UCHL5: variants seen among roughly 807,000 people sequenced by gnomAD.
UCHL5 encodes ubiquitin carboxyl-terminal hydrolase isozyme L5.
In UCHL5, 34 loss-of-function variants were observed where a neutral mutation model predicts 53.8. The ratio of observed to expected loss-of-function variants is 0.63; its 90% CI spans 0.48 to 0.84. The LOEUF is 0.84. Among genes scored for constraint, UCHL5 ranks in the 40% least tolerant of loss-of-function variants. The pLI, the probability that UCHL5 is intolerant of heterozygous loss-of-function variation, is 0.00. For synonymous variants in UCHL5, 111 were observed against 126.3 expected (o/e 0.88, Z 0.81); for missense variants, 290 against 385.6 (o/e 0.75, Z 2.08).
intron 7 of UCHL5, among the ~76,000 whole-genome samples, chr1:193,025,006 GA>G (rs1242319790): frequency 1.3e-5 from 2 of 152,012 alleles, no homozygotes; most frequent in Admixed American, 6.6e-5. Flanking sequence ...CTGAAAGGTA[GA>G]AAAAAAGCAG....
chr1:193,024,028 T>C (rs371150012), intron 7 of UCHL5, 82 bp from the exon 8 acceptor site: 1 of 983,066 alleles, frequency 1.0e-6, no homozygotes, highest in South Asian at 1.7e-5. Context: ...GTGATTCCCC[T>C]CTTGATTTTC....
chr1:193,044,548 C>A (rs1423769819), intron 3 of UCHL5, among the ~76,000 whole-genome samples: 1 of 152,164 alleles, frequency 6.6e-6, no homozygotes, highest in Non-Finnish European at 1.5e-5. Flanking sequence ...TACACAGACA[C>A]ACACACACAC....
Position 193,016,381 on chromosome 1 carries a change from CTGTT to C in UCHL5, c.953_956del (p.Lys318ArgfsTer40). ...TGGTTTCCTGAGCTTTCTTTGCGTT[CTGTT>C]TTTCTTTTGCCTAAAAATTAAAAAT... On this transcript the variant is annotated frameshift_variant, in exon 11 of 11. Transcript: ENST00000367454. LOFTEE classifies it high-confidence loss of function. The C allele has an allele frequency of 6.2e-7, 1 of 1,606,340 alleles. No homozygotes were observed. The highest frequency in any genetic ancestry group is 8.5e-7 in the Non-Finnish European group (1 of 1,177,416).
At chr1:193,043,169 A>AAAAAAAAAAAAAAAC (rs1558122949) in intron 3 of UCHL5, among the ~76,000 whole-genome samples, 1 of 147,712 alleles carries the variant, frequency 6.8e-6, no homozygotes, top group African/African-American at 2.5e-5. Context: ...AAAAAAAAAA[A>AAAAAAAAAAAAAAAC]AAAAAAACCA....
In UCHL5 at chr1:193,029,660, A is replaced by G; in HGVS notation, c.247-3T>C. 6.3e-7 allele frequency: 1 copy of G among 1,583,254 alleles called. No individual in the cohort carries two copies. On this transcript the variant is annotated splice_polypyrimidine_tract_variant and splice_region_variant and intron_variant, in intron 3 of 10. Transcript: ENST00000367454. ...GTAGCACAAGCATTATTAATTACCTATAAAATATAAAAGTGAAGATATCAA... is the reference window on the plus strand; with the variant it reads ...GTAGCACAAGCATTATTAATTACCTGTAAAATATAAAAGTGAAGATATCAA...
At chr1:193,020,644 C>G (rs1250931549) in intron 10 of UCHL5, among the ~76,000 whole-genome samples, 1 of 151,718 alleles carries the variant, frequency 6.6e-6, no homozygotes, top group Non-Finnish European at 1.5e-5. Flanking sequence ...CTAGTTTTCC[C>G]TCAGTGGAAT....
chr1:193,027,418 C>T (rs1463269429), intron 7 of UCHL5, among the ~76,000 whole-genome samples: 1 of 152,204 alleles, frequency 6.6e-6, no homozygotes, highest in Non-Finnish European at 1.5e-5. Flanking sequence ...GGTGCAGTGG[C>T]TCATGCCTGT....
intron 3 of UCHL5, 127 bp from the exon 4 acceptor site, chr1:193,029,784 G>A: frequency 2.7e-6 from 2 of 736,272 alleles, no homozygotes; most frequent in Non-Finnish European, 4.1e-6. Flanking sequence ...AGCATAAACA[G>A]AATAAATATG....
At chr1:193,020,203 T>C (rs1656432018) in intron 10 of UCHL5, 3 of 1,379,870 alleles carry the variant, frequency 2.2e-6, no homozygotes, top group African/African-American at 2.9e-5. Flanking sequence ...AAAAAACTTA[T>C]TAGCTCACAT....
Position 193,014,163 on chromosome 1 carries a change from A to AT in UCHL5, c.*2187dup, listed in dbSNP as rs1031638486. 10 of 152,108 alleles carry AT rather than the reference A, an allele frequency of 6.6e-5. No homozygotes were observed. The highest frequency in any genetic ancestry group is 3.9e-4 in the Admixed American group (6 of 15,250). 9.4% of individuals were successfully genotyped at this position (152,108 alleles called of 1,614,324 possible). ...TTTATGGGTTGCTCTTTATTCTTCC[A>AT]TTTTCTCTACCCTCTAGCTTCATGA... On this transcript the variant is annotated 3_prime_UTR_variant, in exon 11 of 11. Transcript: ENST00000367454.
rs1376245770 is a variant in UCHL5 at position 193,049,763 on chromosome 1, T to C, written c.229A>G (p.Ile77Val). 6.2e-7 allele frequency: 1 copy of C among 1,610,854 alleles called. No homozygotes were observed. The change falls in exon 3 of 11, where the codon ATA becomes GTA. Residue 77 changes from isoleucine (I) to valine (V), a missense_variant. Transcript: ENST00000367454. ...SVVQDSRLDT[I>V]FFAKQVINNA... ...GACCATACCTGCTTAGCAAAAAATA[T>C]CGTGTCAAGTCGGGAGTCCTGAACC...
At chr1:193,051,635 A>G in intron 2 of UCHL5, 119 bp downstream of exon 2, 1 of 490,842 alleles carries the variant, frequency 2.0e-6, no homozygotes, top group East Asian at 3.5e-5. Context: ...AGAGACTTAA[A>G]GGACATAACG....
intron 3 of UCHL5, among the ~76,000 whole-genome samples, chr1:193,043,070 C>G (rs575880775): frequency 4.3e-5 from 6 of 138,640 alleles, no homozygotes; most frequent in Admixed American, 1.6e-4. Context: ...TCATCTTGGA[C>G]CATGAAATAA....
At chr1:193,035,329 T>A (rs1026262169) in intron 3 of UCHL5, among the ~76,000 whole-genome samples, 1 of 151,910 alleles carries the variant, frequency 6.6e-6, no homozygotes, top group African/African-American at 2.4e-5. Context: ...AAAGAGAGGA[T>A]CCTAAAGGCA....
intron 7 of UCHL5, among the ~76,000 whole-genome samples, chr1:193,027,110 T>C (rs1405889717): frequency 6.6e-6 from 1 of 152,146 alleles, no homozygotes; most frequent in Non-Finnish European, 1.5e-5. Context: ...TGGTTGTGCC[T>C]AAAAAGAACA....
chr1:193,039,496 TGAA>T (rs1158808099), intron 3 of UCHL5, among the ~76,000 whole-genome samples: 4 of 152,178 alleles, frequency 2.6e-5, no homozygotes, highest in Admixed American at 6.5e-5. Context: ...AAAGCACTGA[TGAA>T]GAGTTCACCA....
chr1:193,027,429 A>G (rs1167793432), intron 7 of UCHL5, among the ~76,000 whole-genome samples: 1 of 152,216 alleles, frequency 6.6e-6, no homozygotes, highest in Non-Finnish European at 1.5e-5. Flanking sequence ...TCATGCCTGT[A>G]ATCCCAGCAC....
intron 3 of UCHL5, among the ~76,000 whole-genome samples, chr1:193,046,143 C>G (rs1667263213): frequency 6.6e-6 from 1 of 152,060 alleles, no homozygotes; most frequent in Non-Finnish European, 1.5e-5. Context: ...GCAATCCTCC[C>G]ACCTCAGCCT....
upstream of UCHL5, chr1:193,059,492 T>C: frequency 6.3e-7 from 1 of 1,599,212 alleles, no homozygotes; most frequent in Non-Finnish European, 8.5e-7. This position sits in a 1 kb window ranked among gnomAD's most constrained non-coding sequence, Gnocchi z 4.9. Context: ...GCAGCACCCG[T>C]AGCGGATTCG....
Sources: gnomAD v4.1 joint callset for allele counts (sites outside exome capture counted in the v4.1 genomes callset) on GRCh38, gnomAD v4.1.1 for gene constraint, Gnocchi (gnomAD v3.1) non-coding constraint, MANE v1.5 for transcripts, NCBI Gene and HGNC (gene_info 2026-07-23, HGNC 2026-07-21) for gene names.